Variants in CACNG4 observed in about 807,000 individuals in gnomAD.
The protein encoded by CACNG4 is voltage-dependent calcium channel gamma-4 subunit.
CACNG4 carries 8 observed loss-of-function variants against 22.9 expected under a neutral mutation model. The observed-to-expected ratio is 0.35, with a 90% CI of 0.21 to 0.63. The LOEUF is 0.63. Ranked by LOEUF, CACNG4 falls within the 30% of genes least tolerant of loss-of-function variation. The pLI is 0.72. For synonymous variants in CACNG4, 188 were observed against 191.9 expected (o/e 0.98, Z 0.17); for missense variants, 357 against 455.4 (o/e 0.78, Z 1.97).
chr17:66,964,818 C>G lies in CACNG4; in HGVS notation c.-94C>G, dbSNP rs2035155639. On this transcript the variant is annotated 5_prime_UTR_variant, in exon 1 of 4. Coordinates refer to ENST00000262138, the MANE Select transcript of CACNG4 (RefSeq NM_014405.4). Reference sequence around the variant, plus strand: ...CGCCGCCCCCCGGCCCTCGGCCCCCCAACCCCGGCGCCCCCGGAGCGGCGC... The same window carrying G: ...CGCCGCCCCCCGGCCCTCGGCCCCCGAACCCCGGCGCCCCCGGAGCGGCGC... The G allele has an allele frequency of 1.6e-6, 1 of 609,148 alleles. No homozygotes were observed. Among genetic ancestry groups the G allele is most frequent in the Non-Finnish European group, 2.1e-6 (1 of 486,278 alleles). 37.7% of individuals were successfully genotyped at this position (609,148 alleles called of 1,614,324 possible).
At chr17:66,980,109 C>T (rs1011575269) in intron 1 of CACNG4, among the ~76,000 whole-genome samples, 1 of 152,148 alleles carries the variant, frequency 6.6e-6, no homozygotes, top group African/African-American at 2.4e-5. Flanking sequence ...CTATGCCCAG[C>T]GACTTCTTGC....
chr17:67,030,988 G>A lies in CACNG4; in HGVS notation c.968G>A (p.Arg323Gln), dbSNP rs140902954. The A allele has an allele frequency of 1.5e-5, 24 of 1,611,608 alleles. 1 individual carries two copies. Among genetic ancestry groups the A allele is most frequent in the South Asian group, 4.4e-5 (4 of 90,990 alleles). Residue 323 changes from arginine to glutamine, a missense_variant, in exon 4 of 4, where the codon CGG becomes CAG. By Grantham distance (43) the Arg-to-Gln change is conservative. Around this residue, in one of 3 missense-constraint regions of CACNG4, gnomAD observed 240 missense variants for 277.6 expected, o/e 0.86. Coordinates refer to ENST00000262138, the MANE Select transcript of CACNG4 (RefSeq NM_014405.4). This position sits in a 1 kb window ranked among gnomAD's most constrained non-coding sequence, Gnocchi z 6.4. The stretch of plus-strand genomic sequence containing the variant: ...TTCCACGTCAGCATGCTGAACCGAC[G>A]GACGACCCCTGTGTGAGCCGCCTGC... Reference protein sequence around the residue: ...EGFHVSMLNRRTTPV With the variant: ...EGFHVSMLNRQTTPV
rs761432718 is a variant in CACNG4 at position 66,965,045 on chromosome 17, A to G, written c.134A>G (p.Asn45Ser). 1 of 1,607,832 alleles carries G rather than the reference A, an allele frequency of 6.2e-7. No individual in the cohort carries two copies. Among genetic ancestry groups the G allele is most frequent in the South Asian group, 1.1e-5 (1 of 90,726 alleles). Residue 45 changes from asparagine (N) to serine (S), a missense_variant, in exon 1 of 4, where the codon AAC becomes AGC. Physicochemically the swap from Asn to Ser is conservative, Grantham distance 46. Around this residue, in one of 3 missense-constraint regions of CACNG4, gnomAD observed 114 missense variants for 161.6 expected, o/e 0.71. Transcript: ENST00000262138. ...AGCGCGCACATCTGCAACGGCACCA[A>G]CCTGACCATGGACGACGGGCCCCCG... is the stretch of plus-strand genomic sequence containing the variant. ...YSSAHICNGT[N>S]LTMDDGPPPR... is the part of the protein sequence containing the mutation.
chr17:67,007,690 G>T (rs1295615324), intron 1 of CACNG4, among the ~76,000 whole-genome samples: 2 of 152,138 alleles, frequency 1.3e-5, no homozygotes, highest in Non-Finnish European at 2.9e-5. Flanking sequence ...GCTTCAGAAG[G>T]GCAGAGACCA....
At chr17:66,977,061 A>G (rs2035242271) in intron 1 of CACNG4, among the ~76,000 whole-genome samples, 1 of 151,984 alleles carries the variant, frequency 6.6e-6, no homozygotes, top group African/African-American at 2.4e-5. Flanking sequence ...CACCTCCGAC[A>G]CACGCCCACT....
At chr17:67,012,235 G>C (rs1260794952) in intron 1 of CACNG4, among the ~76,000 whole-genome samples, 1 of 152,206 alleles carries the variant, frequency 6.6e-6, no homozygotes, top group Admixed American at 6.5e-5. Context: ...AGAAGACTTT[G>C]TTTTACATTA....
Position 66,965,024 on chromosome 17 carries a change from C to T in CACNG4, c.113C>T (p.Ala38Val). ...IGTDYWLYSSAHICNGTNLTM... is the reference protein window; with the variant it reads ...IGTDYWLYSSVHICNGTNLTM... ...ACCGACTACTGGCTGTACTCCAGCG[C>T]GCACATCTGCAACGGCACCAACCTG... is the stretch of plus-strand genomic sequence containing the variant. Residue 38 changes from alanine to valine, a missense_variant, in exon 1 of 4, where the codon GCG becomes GTG. Transcript: ENST00000262138. 1 of 1,611,408 alleles carries T rather than the reference C, an allele frequency of 6.2e-7. No homozygotes were observed. Among genetic ancestry groups the T allele is most frequent in the Non-Finnish European group, 8.5e-7 (1 of 1,179,258 alleles).
At chr17:66,965,192 ACACGCGCGCGCGCGCGCGCG>A (rs1213845813) in intron 1 of CACNG4, 61 bp downstream of exon 1, 1 of 998,662 alleles carries the variant, frequency 1.0e-6, no homozygotes, top group Non-Finnish European at 1.4e-6. Context: ...ACACATATAC[ACACGCGCGCGCGCGCGCGCG>A]CACACACACA....
intron 1 of CACNG4, among the ~76,000 whole-genome samples, chr17:66,991,975 C>T (rs2035342860): frequency 6.6e-6 from 1 of 152,228 alleles, no homozygotes; most frequent in Non-Finnish European, 1.5e-5. Flanking sequence ...TGCCTGCCCA[C>T]CCAACTCACT....
intron 1 of CACNG4, among the ~76,000 whole-genome samples, chr17:66,969,832 A>T (rs1439436165): frequency 6.6e-6 from 1 of 152,178 alleles, no homozygotes; most frequent in African/African-American, 2.4e-5. Flanking sequence ...ATCAAATAAT[A>T]GCCTTTCTCC....
At chr17:67,024,822 A>G (rs1567759813) in intron 2 of CACNG4, 38 bp from the exon 3 acceptor site, 1 of 1,479,436 alleles carries the variant, frequency 6.8e-7, no homozygotes, top group African/African-American at 1.4e-5. Flanking sequence ...ACCTGATCTC[A>G]CTGCCCTCTG....
intron 1 of CACNG4, among the ~76,000 whole-genome samples, chr17:66,994,370 C>T (rs1413805019): frequency 6.6e-6 from 1 of 151,796 alleles, no homozygotes; most frequent in Non-Finnish European, 1.5e-5. Context: ...CTAGCAGACA[C>T]GCATGGAAAA....
chr17:66,995,871 G>C (rs8071500), intron 1 of CACNG4, among the ~76,000 whole-genome samples: 35,419 of 151,834 alleles, frequency 0.23, 7,479 homozygotes, highest in African/African-American at 0.57. Context: ...GGGATCTATA[G>C]AGACCTCTAG....
At chr17:67,012,073 C>T (rs1159327471) in intron 1 of CACNG4, among the ~76,000 whole-genome samples, 1 of 152,102 alleles carries the variant, frequency 6.6e-6, no homozygotes, top group Non-Finnish European at 1.5e-5. Flanking sequence ...GAGCCCCAGC[C>T]CTGCTTCTAT....
chr17:67,013,542 C>T (rs1031408174), intron 1 of CACNG4, among the ~76,000 whole-genome samples: 1 of 152,158 alleles, frequency 6.6e-6, no homozygotes, highest in African/African-American at 2.4e-5. Flanking sequence ...TGATGGCTCA[C>T]ACCCGTAAAC....
intron 2 of CACNG4, among the ~76,000 whole-genome samples, chr17:67,018,776 G>A (rs768464157): frequency 6.6e-6 from 1 of 152,122 alleles, no homozygotes; most frequent in Non-Finnish European, 1.5e-5. Context: ...GGGAGACCCA[G>A]GGGAGAAGGC....
intron 1 of CACNG4, among the ~76,000 whole-genome samples, chr17:66,966,260 G>A (rs2035170612): frequency 1.3e-5 from 2 of 152,254 alleles, no homozygotes. Flanking sequence ...GCAAGGTTGG[G>A]CACAGGTTTG....
At chr17:66,975,275 C>G (rs1280426864) in intron 1 of CACNG4, among the ~76,000 whole-genome samples, 1 of 152,170 alleles carries the variant, frequency 6.6e-6, no homozygotes. Context: ...CCCAGGGACA[C>G]AGGAAGGGGC....
Position 67,030,685 on chromosome 17 carries a change from T to C in CACNG4, c.665T>C (p.Leu222Pro). The change falls in exon 4 of 4, where the codon CTT becomes CCT. Residue 222 changes from leucine (L) to proline (P), a missense_variant. By Grantham distance (98) the Leu-to-Pro change is moderately conservative. Coordinates refer to ENST00000262138, the MANE Select transcript of CACNG4 (RefSeq NM_014405.4). This position sits in a 1 kb window ranked among gnomAD's most constrained non-coding sequence, Gnocchi z 6.4. ...ELRFKTKREF[L>P]KASSSSPYAR... ...AGGTTTAAGACCAAACGGGAATTCC[T>C]TAAGGCGTCTTCCTCTTCTCCTTAT... 2 of 1,614,208 alleles carry C rather than the reference T, an allele frequency of 1.2e-6. No homozygotes were observed. Among genetic ancestry groups the C allele is most frequent in the Non-Finnish European group, 1.7e-6 (2 of 1,180,040 alleles).
Sources: allele counts gnomAD v4.1 joint callset (sites outside exome capture counted in the v4.1 genomes callset), GRCh38; gene constraint gnomAD v4.1.1; regional missense constraint gnomAD v4.1.1; non-coding constraint Gnocchi (gnomAD v3.1); transcripts MANE v1.5; gene names NCBI Gene and HGNC (gene_info 2026-07-23, HGNC 2026-07-21).